MICAL3: variants seen among roughly 807,000 people sequenced by gnomAD.
The protein encoded by MICAL3 is microtubule associated monooxygenase, calponin and LIM domain containing 3.
A neutral mutation model predicts 207.4 loss-of-function variants in MICAL3; 62 were observed. The observed-to-expected ratio is 0.30, with a 90% CI of 0.24 to 0.37. The LOEUF is 0.37. Among genes scored for constraint, MICAL3 ranks in the 10% least tolerant of loss-of-function variants. MICAL3 has a pLI of 1.00. For missense variants in MICAL3, 2,368 were observed against 2,635.6 expected, an observed-to-expected ratio of 0.90 and a Z score of 2.22; for synonymous variants, 1,077 against 1,069.3, an observed-to-expected ratio of 1.01 and a Z score of -0.14.
At chr22:17,877,957 A>AT (rs1456320542) in intron 16 of MICAL3, among the ~76,000 whole-genome samples, 4 of 151,978 alleles carry the variant, frequency 2.6e-5, no homozygotes, top group Non-Finnish European at 5.9e-5. Flanking sequence ...GGTTGATGCC[A>AT]TTCTCCTGCC....
rs1923984883 is a variant in MICAL3, at chr22:17,841,341, C to G, written c.2801+481G>C. 1 of 216,848 alleles carries G rather than the reference C, an allele frequency of 4.6e-6. No individual in the cohort carries two copies. Among genetic ancestry groups the G allele is most frequent in the Admixed American group, 5.1e-5 (1 of 19,676 alleles). The allele number at this position is 216,848 out of a possible 1,614,324, so 13.4% of individuals were successfully genotyped here. Reference sequence around the variant, plus strand: ...GATTACAGCTCTGGAACTGCCTAAGCATGCATCCACTGGTGCTGCATGCGG... The same window carrying G: ...GATTACAGCTCTGGAACTGCCTAAGGATGCATCCACTGGTGCTGCATGCGG... On this transcript the variant is annotated intron_variant, in intron 20 of 31. Transcript: ENST00000441493. This position sits in a 1 kb window ranked among gnomAD's most constrained non-coding sequence, Gnocchi z 4.2.
At chr22:17,943,314 C>T (rs7364225) in intron 1 of MICAL3, among the ~76,000 whole-genome samples, 6,939 of 152,242 alleles carry the variant, frequency 0.046, 235 homozygotes, top group African/African-American at 0.097. Context: ...AGGCAACTGC[C>T]ATCATGCCTG....
chr22:17,884,715 T>C (rs1238642704), intron 16 of MICAL3, among the ~76,000 whole-genome samples: 1 of 152,172 alleles, frequency 6.6e-6, no homozygotes, highest in Non-Finnish European at 1.5e-5. Flanking sequence ...GCAACCTTCC[T>C]CTAACGGACA....
At chr22:17,910,047 C>T (rs956874521) in intron 1 of MICAL3, among the ~76,000 whole-genome samples, 18 of 152,188 alleles carry the variant, frequency 1.2e-4, no homozygotes, top group African/African-American at 4.3e-4. Flanking sequence ...TCTGATCCAC[C>T]GCTACCTCAT....
intron 19 of MICAL3, chr22:17,863,448 TC>T: frequency 1.0e-6 from 1 of 985,490 alleles, no homozygotes; most frequent in Non-Finnish European, 1.2e-6. Flanking sequence ...TACCAGTGAT[TC>T]TGCCCATGCT....
intron 1 of MICAL3, among the ~76,000 whole-genome samples, chr22:17,980,286 A>C (rs569679511): frequency 9.2e-5 from 14 of 152,338 alleles, no homozygotes; most frequent in African/African-American, 2.9e-4. Flanking sequence ...TGGGAAATAA[A>C]GACGGAAAGG....
chr22:17,898,052 G>A (rs146552191), intron 7 of MICAL3, among the ~76,000 whole-genome samples: 2 of 151,852 alleles, frequency 1.3e-5, no homozygotes, highest in African/African-American at 4.8e-5. Context: ...ATACTAAGTA[G>A]CCACATGGGT....
At chr22:17,842,887 C>T (rs893461194) in intron 19 of MICAL3, among the ~76,000 whole-genome samples, 4 of 152,076 alleles carry the variant, frequency 2.6e-5, no homozygotes, top group East Asian at 1.9e-4. Context: ...TTGGGGAGGC[C>T]GATGCAGGTG....
rs923922869 is a variant in MICAL3, at chr22:18,014,811, G to A, written c.-75+9470C>T. Among the ~76,000 whole-genome samples the A allele has an allele frequency of 2.0e-4, 30 of 152,002 alleles. 1 individual carries two copies. The highest frequency in any genetic ancestry group is 7.0e-4 in the African/African-American group (29 of 41,378). ...GATCGAGACCATCCTAGCTAACACGGTGAAACCCCATCTCTACTAAAAATA... is the reference window on the plus strand; with the variant it reads ...GATCGAGACCATCCTAGCTAACACGATGAAACCCCATCTCTACTAAAAATA... On this transcript the variant is annotated intron_variant, in intron 1 of 31. Transcript: ENST00000441493.
intron 1 of MICAL3, among the ~76,000 whole-genome samples, chr22:17,942,834 C>G (rs1933875481): frequency 6.6e-6 from 1 of 152,224 alleles, no homozygotes. Flanking sequence ...AGACTTGGGC[C>G]AGGCCTGCTC....
chr22:17,912,756 A>C (rs1169249161), intron 1 of MICAL3, among the ~76,000 whole-genome samples: 1 of 152,230 alleles, frequency 6.6e-6, no homozygotes, highest in African/African-American at 2.4e-5. Flanking sequence ...TCTACACATA[A>C]GATCATATCA....
chr22:17,829,224 T>C (rs556345979), intron 21 of MICAL3, among the ~76,000 whole-genome samples: 1 of 149,872 alleles, frequency 6.7e-6, no homozygotes, highest in East Asian at 2.0e-4. Context: ...TAGAGTGCAA[T>C]GGCACGATCT....
chr22:17,861,624 GC>G, intron 19 of MICAL3: 1 of 985,414 alleles, frequency 1.0e-6, no homozygotes, highest in Non-Finnish European at 1.2e-6. Context: ...TCCTTTCTCT[GC>G]CTATTGTTCA....
intron 16 of MICAL3, chr22:17,876,855 AT>A (rs1928522417): frequency 2.1e-5 from 3 of 143,168 alleles, no homozygotes; most frequent in Admixed American, 6.8e-5. Context: ...TAGGGAGGTT[AT>A]GGAGGTTAGG....
chr22:17,872,942 G>A, intron 16 of MICAL3: 2 of 885,766 alleles, frequency 2.3e-6, no homozygotes, highest in South Asian at 1.4e-5. Context: ...GGGAAAAAAA[G>A]AAATCTTTGG....
intron 7 of MICAL3, among the ~76,000 whole-genome samples, chr22:17,898,961 A>T (rs932405108): frequency 6.6e-6 from 1 of 152,072 alleles, no homozygotes; most frequent in Non-Finnish European, 1.5e-5. Context: ...CATAAACACC[A>T]ATTATTGCTT....
chr22:17,996,573 C>G (rs1460843503), intron 1 of MICAL3, among the ~76,000 whole-genome samples: 1 of 152,128 alleles, frequency 6.6e-6, no homozygotes, highest in Admixed American at 6.5e-5. Context: ...CAGCAAGTCA[C>G]GTACAACTGA....
intron 1 of MICAL3, among the ~76,000 whole-genome samples, chr22:17,993,833 C>T (rs7284884): frequency 2.0e-5 from 3 of 151,266 alleles, no homozygotes; most frequent in African/African-American, 7.4e-5. Context: ...AGACAGGAAG[C>T]GGTGACCCCC....
At chr22:17,805,327 A>T (rs1325152531) in intron 29 of MICAL3, among the ~76,000 whole-genome samples, 1 of 151,912 alleles carries the variant, frequency 6.6e-6, no homozygotes, top group African/African-American at 2.4e-5. Flanking sequence ...CAGAGACGGC[A>T]TCGGCCAAGG....
Sources: allele counts gnomAD v4.1 joint callset (sites outside exome capture counted in the v4.1 genomes callset), GRCh38; gene constraint gnomAD v4.1.1; non-coding constraint Gnocchi (gnomAD v3.1); transcripts MANE v1.5; gene names NCBI Gene and HGNC (gene_info 2026-07-23, HGNC 2026-07-21).